Variants in RBM28 observed in about 807,000 individuals in gnomAD.
The protein encoded by RBM28 is RNA binding motif protein 28, also known as RNA-binding protein 28.
RBM28 carries 78 observed loss-of-function variants against 98.3 expected under a neutral mutation model. The observed-to-expected ratio is 0.79, with a 90% CI of 0.66 to 0.96. The LOEUF is 0.96. Ranked by LOEUF, RBM28 falls within the 40% of genes least tolerant of loss-of-function variation. The probability of loss-of-function intolerance (pLI) is 0.00; values close to 1 mark genes in which losing one functional copy is unlikely to be tolerated. For missense variants in RBM28, 838 were observed against 913.0 expected, an observed-to-expected ratio of 0.92 and a Z score of 1.06; for synonymous variants, 306 against 330.9, an observed-to-expected ratio of 0.92 and a Z score of 0.82.
rs924066963 is a variant in RBM28, at chr7:128,308,083, G to A, written c.*2714C>T. ...TGCACTAAAATTCCCAAGGCAAGGA[G>A]TCAATGGAGCTGACCAAATAGCCCA... On this transcript the variant is annotated 3_prime_UTR_variant, in exon 19 of 19. Transcript: ENST00000223073. The A allele has an allele frequency of 6.6e-6, 1 of 152,248 alleles. No individual in the cohort carries two copies. The highest frequency in any genetic ancestry group is 2.4e-5 in the African/African-American group (1 of 41,472). 9.4% of individuals were successfully genotyped at this position (152,248 alleles called of 1,614,324 possible). A position where few individuals can be genotyped will look rare whatever the true frequency, so the allele number is the denominator to read the frequency against.
At position 128,315,020 on chromosome 7, in the gene RBM28, G is replaced by C. The variant is rs766534705; in HGVS notation, c.1789C>G (p.Gln597Glu). ...GTTGCAGGCTTGGATCTCATTTTTT[G>C]CTGCATAAAACAAGAAAATGCCATC... ...MKELRIQRSL[Q>E]KMRSKPATGE... Residue 597 changes from glutamine to glutamate, a missense_variant and splice_region_variant, in exon 17 of 19, where the codon CAA becomes GAA. By Grantham distance (29) the Gln-to-Glu change is conservative. Coordinates refer to ENST00000223073, the MANE Select transcript of RBM28 (RefSeq NM_018077.3). The C allele has an allele frequency of 2.9e-5, 47 of 1,614,002 alleles. No individual in the cohort carries two copies. The highest frequency in any genetic ancestry group is 3.9e-5 in the Non-Finnish European group (46 of 1,180,022).
intron 14 of RBM28, among the ~76,000 whole-genome samples, chr7:128,320,947 C>T (rs1796217986): frequency 1.3e-5 from 2 of 152,198 alleles, no homozygotes; most frequent in African/African-American, 2.4e-5. Flanking sequence ...GGGCAGATCA[C>T]TTGAGGTCAG....
rs962778140 is a variant in RBM28, at chr7:128,310,723, G to A, written c.*74C>T. The A allele has an allele frequency of 8.9e-6, 14 of 1,579,192 alleles. No homozygotes were observed. Among genetic ancestry groups the A allele is most frequent in the East Asian group, 6.7e-5 (3 of 44,684 alleles). On this transcript the variant is annotated 3_prime_UTR_variant, in exon 19 of 19. Transcript: ENST00000223073. ...TTTTCTTTCCCTCAGTGAGAGACAC[G>A]GGGGATGGGGAGGAGCCCAGGAGTG...
In RBM28 at chr7:128,335,858, T is replaced by A. The variant is rs751460187; in HGVS notation, c.798A>T (p.Gln266His). The part of the protein sequence containing the change: ...NIESKVTKPV[Q>H]IQKRAVKRPA... ...GATGAGCTGCTTACCTCTTCTGAATTTGCACAGGCTTGGTCACCTTTGATT... is the reference window on the plus strand; with the variant it reads ...GATGAGCTGCTTACCTCTTCTGAATATGCACAGGCTTGGTCACCTTTGATT... The change falls in exon 7 of 19, where the codon CAA becomes CAT. Residue 266 changes from glutamine to histidine, a missense_variant. Physicochemically the swap from Gln to His is conservative, Grantham distance 24 (BLOSUM62 0). Transcript: ENST00000223073. 1 of 1,614,176 alleles carries A rather than the reference T, an allele frequency of 6.2e-7. No homozygotes were observed. The highest frequency in any genetic ancestry group is 2.2e-5 in the East Asian group (1 of 44,890).
rs1426456694 is a variant in RBM28 at position 128,298,480 on chromosome 7, G to A, written c.*12317C>T. 6.6e-6 allele frequency: 1 copy of A among 152,132 alleles called. No homozygotes were observed. The highest frequency in any genetic ancestry group is 2.4e-5 in the African/African-American group (1 of 41,424). 9.4% of individuals were successfully genotyped at this position (152,132 alleles called of 1,614,324 possible). A position where few individuals can be genotyped will look rare whatever the true frequency, so the allele number is the denominator to read the frequency against. ...AAGAACCTATGTTGAAATATTGGGG[G>A]TGGGTTCCCCCAATACTTCTGTATT... On this transcript the variant is annotated 3_prime_UTR_variant, in exon 19 of 19. Coordinates refer to ENST00000223073, the MANE Select transcript of RBM28 (RefSeq NM_018077.3).
At position 128,323,576 on chromosome 7, in the gene RBM28, G is replaced by A. The variant is rs145208220; in HGVS notation, c.1355C>T (p.Thr452Met). 45 of 1,614,194 alleles carry A rather than the reference G, an allele frequency of 2.8e-5. 1 individual carries two copies. Among genetic ancestry groups the A allele is most frequent in the African/African-American group, 2.0e-4 (15 of 75,062 alleles). Reference protein sequence around the residue: ...LAREGLIRAGTKAAEGVSAAD... With the variant: ...LAREGLIRAGMKAAEGVSAAD... ...AGCACTCACACCCTCTGCAGCCTTC[G>A]TCCCAGCACGAATCACTGCAGAAAG... Residue 452 changes from threonine (T) to methionine (M), a missense_variant, in exon 13 of 19, where the codon ACG becomes ATG. Physicochemically the swap from Thr to Met is moderately conservative, Grantham distance 81. Coordinates refer to ENST00000223073, the MANE Select transcript of RBM28 (RefSeq NM_018077.3).
intron 10 of RBM28, among the ~76,000 whole-genome samples, chr7:128,328,667 A>G (rs1796406245): frequency 6.6e-6 from 1 of 152,238 alleles, no homozygotes; most frequent in Admixed American, 6.5e-5. Flanking sequence ...GAGACAAAAG[A>G]TACTACCACC....
intron 1 of RBM28, chr7:128,341,278 C>G (rs1303399858): frequency 1.1e-6 from 1 of 897,172 alleles, no homozygotes; most frequent in African/African-American, 1.7e-5. Context: ...ATCATAAAAG[C>G]TGCCCACTCA....
chr7:128,315,523 C>G (rs890909294), intron 16 of RBM28, among the ~76,000 whole-genome samples: 1 of 151,964 alleles, frequency 6.6e-6, no homozygotes, highest in African/African-American at 2.4e-5. Context: ...TTGAAAGAAG[C>G]CAGACAGGGG....
In RBM28 at chr7:128,302,343, G is replaced by C. The variant is rs1011701070; in HGVS notation, c.*8454C>G. The C allele has an allele frequency of 1.4e-4, 21 of 152,200 alleles. No homozygotes were observed. The highest frequency in any genetic ancestry group is 5.1e-4 in the African/African-American group (21 of 41,444). The allele number at this position is 152,200 out of a possible 1,614,324, so 9.4% of individuals were successfully genotyped here. ...AGCTGTCCCTGCAGATGAGGATCGAGGGTATGTGACTGCCTGAGCAGCTAC... is the reference window on the plus strand; with the variant it reads ...AGCTGTCCCTGCAGATGAGGATCGACGGTATGTGACTGCCTGAGCAGCTAC... On this transcript the variant is annotated 3_prime_UTR_variant, in exon 19 of 19. Transcript: ENST00000223073.
At chr7:128,337,716 C>T (rs1178979919) in intron 5 of RBM28, among the ~76,000 whole-genome samples, 1 of 152,054 alleles carries the variant, frequency 6.6e-6, no homozygotes, top group African/African-American at 2.4e-5. Flanking sequence ...CACCACCACA[C>T]CTGGCTAATT....
rs190600933 is a variant in RBM28 at position 128,340,214 on chromosome 7, T to A, written c.119-423A>T. Among the ~76,000 whole-genome samples the A allele has an allele frequency of 3.9e-4, 59 of 152,288 alleles. No individual in the cohort carries two copies. The East Asian group carries it at 8.5e-3, about 22-fold the overall frequency. On this transcript the variant is annotated intron_variant, in intron 1 of 18. Coordinates refer to ENST00000223073, the MANE Select transcript of RBM28 (RefSeq NM_018077.3). ...CAAATTTCATGTGTTGGAAACTTAA[T>A]CCCCAATGTAGCAGTATTGAAAGGT...
At chr7:128,320,942 G>A (rs1796217922) in intron 14 of RBM28, among the ~76,000 whole-genome samples, 2 of 152,216 alleles carry the variant, frequency 1.3e-5, no homozygotes, top group South Asian at 4.1e-4. Flanking sequence ...GAGGTGGGCA[G>A]ATCACTTGAG....
At position 128,300,739 on chromosome 7, in the gene RBM28, T is replaced by C. The variant is rs950196956; in HGVS notation, c.*10058A>G. 2.0e-5 allele frequency: 3 copies of C among 152,314 alleles called. No individual in the cohort carries two copies. The highest frequency in any genetic ancestry group is 7.2e-5 in the African/African-American group (3 of 41,458). The allele number at this position is 152,314 out of a possible 1,614,324, so 9.4% of individuals were successfully genotyped here. Reference sequence around the variant, plus strand: ...TGCTGACTCCAATTGTTGGGTGCGGTTGCATGGATTGATGTCAAAAGCCTC... The same window carrying C: ...TGCTGACTCCAATTGTTGGGTGCGGCTGCATGGATTGATGTCAAAAGCCTC... On this transcript the variant is annotated 3_prime_UTR_variant, in exon 19 of 19. Transcript: ENST00000223073.
chr7:128,305,585 A>C lies in RBM28; in HGVS notation c.*5212T>G, dbSNP rs1433479037. The C allele has an allele frequency of 6.6e-6, 1 of 152,244 alleles. No individual in the cohort carries two copies. The highest frequency in any genetic ancestry group is 2.4e-5 in the African/African-American group (1 of 41,432). The allele number at this position is 152,244 out of a possible 1,614,324, so 9.4% of individuals were successfully genotyped here. On this transcript the variant is annotated 3_prime_UTR_variant, in exon 19 of 19. Transcript: ENST00000223073. ...TGATTCTCCCACTTTGACCTCTCAA[A>C]GTGCTGGGAATATAGGCATGAGCCA...
intron 8 of RBM28, among the ~76,000 whole-genome samples, chr7:128,335,252 CAG>C (rs370333631): frequency 5.4e-4 from 82 of 152,184 alleles, no homozygotes; most frequent in African/African-American, 2.0e-3. Flanking sequence ...TTGGACAATC[CAG>C]AGAGAGGTAG....
In RBM28 at chr7:128,318,021, T is replaced by G; in HGVS notation, c.1649A>C (p.His550Pro). ...LGYAFAEFQE[H>P]EHALKALRLI... Reference sequence around the variant, plus strand: ...GCGGAGGGCTTTCAGGGCATGCTCGTGCTCTTGGAACTCCGCAAAGGCGTA... The same window carrying G: ...GCGGAGGGCTTTCAGGGCATGCTCGGGCTCTTGGAACTCCGCAAAGGCGTA... The change falls in exon 15 of 19, where the codon CAC becomes CCC. Residue 550 changes from histidine (H) to proline (P), a missense_variant. His to Pro is a moderately conservative substitution (Grantham distance 77, BLOSUM62 -2). Coordinates refer to ENST00000223073, the MANE Select transcript of RBM28 (RefSeq NM_018077.3). The G allele has an allele frequency of 6.2e-7, 1 of 1,614,240 alleles. No homozygotes were observed. The highest frequency in any genetic ancestry group is 8.5e-7 in the Non-Finnish European group (1 of 1,180,042).
intron 13 of RBM28, among the ~76,000 whole-genome samples, chr7:128,322,353 G>A (rs138114281): frequency 3.3e-5 from 5 of 152,276 alleles, no homozygotes; most frequent in African/African-American, 1.2e-4. Context: ...TGAAATGAAA[G>A]ATGACATTCT....
intron 18 of RBM28, among the ~76,000 whole-genome samples, chr7:128,311,152 C>T (rs1795975681): frequency 6.6e-6 from 1 of 152,122 alleles, no homozygotes. Flanking sequence ...CAGGGCCTGA[C>T]TAACCTCCCT....
Sources: gnomAD v4.1 joint callset for allele counts (sites outside exome capture counted in the v4.1 genomes callset) on GRCh38, gnomAD v4.1.1 for gene constraint, MANE v1.5 for transcripts, NCBI Gene and HGNC (gene_info 2026-07-23, HGNC 2026-07-21) for gene names.